Variants in MAMLD1 observed in about 807,000 individuals in gnomAD.
MAMLD1 encodes the protein mastermind-like domain-containing protein 1.
A neutral mutation model predicts 45.0 loss-of-function variants in MAMLD1; 14 were observed. The ratio of observed to expected loss-of-function variants is 0.31; its 90% CI spans 0.21 to 0.49. The LOEUF is 0.49. Among genes scored for constraint, MAMLD1 ranks in the 20% least tolerant of loss-of-function variants. The pLI is 0.99. For missense variants in MAMLD1, 543 were observed against 603.6 expected (o/e 0.90, Z 1.05); for synonymous variants, 254 against 247.8 (o/e 1.02, Z -0.24).
chrX:150,384,837 G>A (rs1281425587), intron 1 of MAMLD1, among the ~76,000 whole-genome samples: 3 of 111,112 alleles, frequency 2.7e-5, no homozygotes, highest in East Asian at 2.8e-4. Flanking sequence ...TACATGATTC[G>A]ATATATGTAT....
intron 5 of MAMLD1, among the ~76,000 whole-genome samples, chrX:150,478,954 G>A (rs1315052261): frequency 8.9e-6 from 1 of 112,051 alleles, no homozygotes; most frequent in Non-Finnish European, 1.9e-5. Context: ...TCTCAGTGTT[G>A]AAAATGTTTT....
intron 1 of MAMLD1, among the ~76,000 whole-genome samples, chrX:150,423,245 C>T (rs1426384390): frequency 2.7e-5 from 3 of 111,849 alleles, no homozygotes; most frequent in Non-Finnish European, 3.8e-5. Context: ...CAATTTCCAA[C>T]ATTTTCCTCC....
intron 5 of MAMLD1, among the ~76,000 whole-genome samples, chrX:150,491,602 C>G (rs1202158336): frequency 1.8e-5 from 2 of 112,209 alleles, no homozygotes; most frequent in Non-Finnish European, 3.8e-5. Context: ...AAGAAGCAGG[C>G]AGCTCTGGGG....
chrX:150,371,805 C>T (rs782690344), intron 1 of MAMLD1, among the ~76,000 whole-genome samples: 1 of 111,922 alleles, frequency 8.9e-6, no homozygotes, highest in South Asian at 3.8e-4. Context: ...AGTCAGTTGA[C>T]CATTGCACCT....
chrX:150,413,649 T>G (rs149138316), intron 1 of MAMLD1, among the ~76,000 whole-genome samples: 7,696 of 104,352 alleles, frequency 0.074, 372 homozygotes, highest in African/African-American at 0.17. Context: ...ACAACCAGAG[T>G]CAGGGGGAAA....
chrX:150,490,219 T>C (rs782125691), intron 5 of MAMLD1, among the ~76,000 whole-genome samples: 28 of 112,177 alleles, frequency 2.5e-4, no homozygotes, highest in Non-Finnish European at 4.3e-4. Flanking sequence ...GCAGAGTCCC[T>C]GGCAGGCAGT....
chrX:150,448,747 A>T (rs1038435289), intron 2 of MAMLD1, among the ~76,000 whole-genome samples: 5 of 111,954 alleles, frequency 4.5e-5, no homozygotes, highest in African/African-American at 1.3e-4. Context: ...CTAGATCCCT[A>T]GATCAGTAGG....
chrX:150,396,033 A>T (rs782258528), intron 1 of MAMLD1, among the ~76,000 whole-genome samples: 1 of 106,067 alleles, frequency 9.4e-6, no homozygotes, highest in African/African-American at 3.4e-5. Flanking sequence ...CCCAGGCTGG[A>T]GTGCAATGGT....
intron 3 of MAMLD1, among the ~76,000 whole-genome samples, chrX:150,465,911 C>T (rs2036204234): frequency 8.9e-6 from 1 of 112,393 alleles, no homozygotes; most frequent in Non-Finnish European, 1.9e-5. Flanking sequence ...TCCGCCCCTA[C>T]CAGGATTCTG....
At position 150,476,810 on chromosome X, in the gene MAMLD1, G is replaced by A. The variant is rs151001512; in HGVS notation, c.2040+3008G>A. 8.0e-3 allele frequency among the ~76,000 whole-genome samples: 909 copies of A among 113,218 alleles called. 6 individuals are homozygous for A. Among genetic ancestry groups the A allele is most frequent in the African/African-American group, 0.025 (772 of 31,263 alleles). ...GATATGCTTTCTATCTTAAGGATAA[G>A]CTTTAGCTTAGGCAGTCGTGAGCAC... On this transcript the variant is annotated intron_variant, in intron 5 of 7. Coordinates refer to ENST00000370401, the MANE Select transcript of MAMLD1 (RefSeq NM_005491.5).
chrX:150,420,695 G>A (rs1262827401), intron 1 of MAMLD1, among the ~76,000 whole-genome samples: 1 of 112,478 alleles, frequency 8.9e-6, no homozygotes, highest in East Asian at 2.8e-4. Context: ...GGAGTACCCT[G>A]CCATGTGAGG....
At chrX:150,442,418 G>A (rs2035347871) in intron 1 of MAMLD1, among the ~76,000 whole-genome samples, 1 of 110,720 alleles carries the variant, frequency 9.0e-6, no homozygotes, top group Admixed American at 9.6e-5. Flanking sequence ...ATTCCATTTG[G>A]TTCATGTATA....
At chrX:150,443,623 C>A (rs2035396736) in intron 1 of MAMLD1, among the ~76,000 whole-genome samples, 1 of 91,775 alleles carries the variant, frequency 1.1e-5, no homozygotes, top group Non-Finnish European at 2.1e-5. Flanking sequence ...TATCTTAATT[C>A]TTTCCTCTGT....
In MAMLD1 at chrX:150,501,802, C is replaced by G. The variant is rs781872144; in HGVS notation, c.2041-1472C>G. Among the ~76,000 whole-genome samples, 3 of 112,344 alleles carry G rather than the reference C, an allele frequency of 2.7e-5. No homozygotes were observed. In the South Asian group the frequency reaches 1.1e-3, roughly 42 times the overall value. On this transcript the variant is annotated intron_variant, in intron 5 of 7. Transcript: ENST00000370401. ...TTTCTTAATGGCACATTTTAAGTTT[C>G]TATGTTTCAAAACTTGCTTATCATA...
rs148647178 is a variant in MAMLD1, at chrX:150,470,844, A to G, written c.1271A>G (p.Gln424Arg). ...ALTQQPQFGP[Q>R]SSILANLMSS... is the part of the protein sequence containing the mutation. ...ACTCAACAGCCGCAGTTCGGCCCTC[A>G]GAGCTCCATTCTTGCCAACCTCATG... Residue 424 changes from glutamine to arginine, a missense_variant, in exon 4 of 8, where the codon CAG (glutamine) becomes CGG (arginine). Physicochemically the swap from Gln to Arg is conservative, Grantham distance 43. Coordinates refer to ENST00000370401, the MANE Select transcript of MAMLD1 (RefSeq NM_005491.5). 5.0e-6 allele frequency: 6 copies of G among 1,210,176 alleles called. No homozygotes were observed. The African/African-American group carries it at 1.0e-4, about 21-fold the overall frequency.
intron 1 of MAMLD1, among the ~76,000 whole-genome samples, chrX:150,415,431 C>G (rs1406458843): frequency 8.9e-6 from 1 of 112,687 alleles, no homozygotes; most frequent in Non-Finnish European, 1.9e-5. Context: ...TGTACCTTAA[C>G]TTTGAATACA....
intron 1 of MAMLD1, among the ~76,000 whole-genome samples, chrX:150,420,450 T>C (rs1186122695): frequency 1.3e-4 from 15 of 111,221 alleles, no homozygotes; most frequent in African/African-American, 4.9e-4. Context: ...GTCAAAGTCA[T>C]TCTCCATCCA....
chrX:150,469,655 C>CTCTG (rs1159384506), intron 3 of MAMLD1, 90 bp from the exon 4 acceptor site: 21,479 of 387,428 alleles, frequency 0.055, 776 homozygotes, highest in Non-Finnish European at 0.068. Context: ...CTCTCTCTCT[C>CTCTG]TGTGTGTGTG....
In MAMLD1 at chrX:150,470,974, C is replaced by G. The variant is rs1557406440; in HGVS notation, c.1401C>G (p.Gly467=). The G allele has an allele frequency of 8.3e-7, 1 of 1,212,065 alleles. No homozygotes were observed. The highest frequency in any genetic ancestry group is 1.1e-6 in the Non-Finnish European group (1 of 895,579). Residue 467 remains glycine, a synonymous_variant, in exon 4 of 8, where the codon GGC becomes GGG. Transcript: ENST00000370401. ...PYRPEKLSSP[G]LPQQSFTPQC... ...GCCCAGAGAAGCTCTCTAGCCCAGG[C>G]TTGCCACAGCAGTCCTTCACCCCAC... is the stretch of plus-strand genomic sequence containing the variant.
Sources: allele counts gnomAD v4.1 joint callset (sites outside exome capture counted in the v4.1 genomes callset), GRCh38; gene constraint gnomAD v4.1.1; transcripts MANE v1.5; gene names NCBI Gene and HGNC (gene_info 2026-07-23, HGNC 2026-07-21).